The following DOCK1 variants were observed in gnomAD, a reference collection of about 807,000 sequenced individuals.
DOCK1 encodes the protein dedicator of cytokinesis protein 1.
A neutral mutation model predicts 262.7 loss-of-function variants in DOCK1; 138 were observed. The observed-to-expected ratio is 0.53, with a 90% CI of 0.46 to 0.61. The LOEUF is 0.61. DOCK1 is among the 20% of genes least tolerant of loss of function. DOCK1 has a pLI of 0.00. For missense variants in DOCK1, 1,908 were observed against 2,370.7 expected (o/e 0.80, Z 4.05); for synonymous variants, 866 against 867.4 (o/e 1.00, Z 0.03).
chr10:127,431,249 C>T (rs1383366792), intron 47 of DOCK1, among the ~76,000 whole-genome samples: 2 of 152,214 alleles, frequency 1.3e-5, no homozygotes, highest in Non-Finnish European at 2.9e-5. Flanking sequence ...ACCCTAATTG[C>T]ATCAGATGAA....
intron 29 of DOCK1, among the ~76,000 whole-genome samples, chr10:127,260,669 A>G (rs1245407845): frequency 3.1e-5 from 3 of 97,442 alleles, no homozygotes; most frequent in Non-Finnish European, 4.2e-5. Context: ...GTGTCCCTGC[A>G]TGTGTGTGCA....
chr10:126,969,852 T>TG (rs1171477937), intron 1 of DOCK1, among the ~76,000 whole-genome samples: 1 of 152,158 alleles, frequency 6.6e-6, no homozygotes. Flanking sequence ...ACAATGCAGG[T>TG]GCCTTTTGTG....
At chr10:127,110,699 C>T (rs1266715696) in intron 25 of DOCK1, among the ~76,000 whole-genome samples, 1 of 152,154 alleles carries the variant, frequency 6.6e-6, no homozygotes, top group Non-Finnish European at 1.5e-5. Context: ...GAAAAGAATT[C>T]GAGTTTTCTT....
chr10:127,032,450 G>A (rs1197190893), intron 18 of DOCK1, 130 bp downstream of exon 18: 3 of 959,156 alleles, frequency 3.1e-6, no homozygotes, highest in Non-Finnish European at 4.4e-6. Context: ...TCATTGCATC[G>A]GGCTGTGATG....
At chr10:127,251,129 AT>A (rs572430643) in intron 28 of DOCK1, among the ~76,000 whole-genome samples, 2 of 151,186 alleles carry the variant, frequency 1.3e-5, no homozygotes, top group South Asian at 2.1e-4. Context: ...CACCCGGCTA[AT>A]TTTTTTTGTA....
intron 29 of DOCK1, among the ~76,000 whole-genome samples, chr10:127,302,082 CCT>C (rs2061700730): frequency 6.6e-6 from 1 of 151,910 alleles, no homozygotes. Context: ...GATCTAGGGT[CCT>C]CTCTGCTTGT....
chr10:127,364,470 G>A (rs1338933479), intron 33 of DOCK1, among the ~76,000 whole-genome samples: 1 of 152,156 alleles, frequency 6.6e-6, no homozygotes, highest in African/African-American at 2.4e-5. Flanking sequence ...GGGTTCAAGT[G>A]ATTCTCCTGC....
At chr10:126,977,145 G>C (rs147034931) in intron 2 of DOCK1, among the ~76,000 whole-genome samples, 2 of 152,348 alleles carry the variant, frequency 1.3e-5, no homozygotes, top group African/African-American at 4.8e-5. Context: ...GGTGCTTGGA[G>C]GCTGGATACT....
intron 29 of DOCK1, among the ~76,000 whole-genome samples, chr10:127,336,607 C>T (rs750742758): frequency 1.3e-5 from 2 of 151,252 alleles, no homozygotes; most frequent in East Asian, 3.9e-4. Context: ...TGGCGCAATC[C>T]TGGCTCACTG....
At chr10:127,319,476 A>G (rs2062426135) in intron 29 of DOCK1, among the ~76,000 whole-genome samples, 1 of 152,226 alleles carries the variant, frequency 6.6e-6, no homozygotes, top group Non-Finnish European at 1.5e-5. Context: ...TTTATGGGTA[A>G]TAAATCACTT....
chr10:126,994,896 C>T (rs1333146119), intron 6 of DOCK1, among the ~76,000 whole-genome samples: 9 of 150,640 alleles, frequency 6.0e-5, no homozygotes, highest in South Asian at 2.1e-4. Flanking sequence ...ACGGGGCGGC[C>T]GGGCAGAGGC....
chr10:127,133,945 G>T (rs931791013), intron 27 of DOCK1, among the ~76,000 whole-genome samples: 10 of 152,244 alleles, frequency 6.6e-5, no homozygotes, highest in African/African-American at 2.4e-4. Context: ...ACGTGCTGGT[G>T]TGGGAAGCAG....
chr10:127,356,874 A>G (rs1414699856), intron 32 of DOCK1, among the ~76,000 whole-genome samples: 1 of 152,004 alleles, frequency 6.6e-6, no homozygotes, highest in Admixed American at 6.6e-5. Flanking sequence ...GTTCCATTTC[A>G]ACTCTAAAGT....
Position 127,176,723 on chromosome 10 carries a change from C to T in DOCK1, c.2847+48959C>T, listed in dbSNP as rs943585668. Among the ~76,000 whole-genome samples, 1 of 152,208 alleles carries T rather than the reference C, an allele frequency of 6.6e-6. No individual in the cohort carries two copies. Among genetic ancestry groups the T allele is most frequent in the Admixed American group, 6.5e-5 (1 of 15,282 alleles). ...AAACCCAATGATGCTGCCTCTTCTG[C>T]TTTGCAAATTATCTTTTCACACGCG... On this transcript the variant is annotated intron_variant, in intron 27 of 51. Transcript: ENST00000623213. This position sits in a 1 kb window ranked among gnomAD's most constrained non-coding sequence, Gnocchi z 4.4.
intron 27 of DOCK1, among the ~76,000 whole-genome samples, chr10:127,131,142 G>A (rs11812576): frequency 0.043 from 6,532 of 152,182 alleles, 491 homozygotes; most frequent in African/African-American, 0.15. Flanking sequence ...CTAAGAAGGG[G>A]GTGTGACAGC....
intron 29 of DOCK1, among the ~76,000 whole-genome samples, chr10:127,298,942 TAG>T (rs888063482): frequency 6.6e-6 from 1 of 152,086 alleles, no homozygotes; most frequent in Non-Finnish European, 1.5e-5. Context: ...GGAGATGGGA[TAG>T]AGTCAGCCAA....
intron 1 of DOCK1, among the ~76,000 whole-genome samples, chr10:126,966,905 C>T (rs1223674473): frequency 3.3e-5 from 5 of 152,210 alleles, no homozygotes; most frequent in African/African-American, 1.2e-4. Flanking sequence ...AGCTTCTACG[C>T]TGGAGTCTGC....
At chr10:127,152,320 A>G (rs1238539570) in intron 27 of DOCK1, among the ~76,000 whole-genome samples, 1 of 152,202 alleles carries the variant, frequency 6.6e-6, no homozygotes, top group African/African-American at 2.4e-5. Flanking sequence ...CCATTAAGCA[A>G]ACTTCTCTGA....
intron 27 of DOCK1, among the ~76,000 whole-genome samples, chr10:127,165,036 G>A (rs1454638907): frequency 6.6e-6 from 1 of 152,138 alleles, no homozygotes; most frequent in Non-Finnish European, 1.5e-5. Flanking sequence ...GGTGGCACTG[G>A]CTATCAAACT....
Sources: gnomAD v4.1 joint callset for allele counts (sites outside exome capture counted in the v4.1 genomes callset) on GRCh38, gnomAD v4.1.1 for gene constraint, Gnocchi (gnomAD v3.1) non-coding constraint, MANE v1.5 for transcripts, NCBI Gene and HGNC (gene_info 2026-07-23, HGNC 2026-07-21) for gene names.